The following PLCG2 variants were observed in gnomAD, a reference collection of about 807,000 sequenced individuals.
The protein encoded by PLCG2 is 1-phosphatidylinositol 4,5-bisphosphate phosphodiesterase gamma-2.
In PLCG2, 69 loss-of-function variants were observed where a neutral mutation model predicts 175.6. That is an observed-to-expected ratio of 0.39 (90% CI 0.32 to 0.48). The LOEUF is 0.48. Ranked by LOEUF, PLCG2 falls within the 20% of genes least tolerant of loss-of-function variation. PLCG2 has a pLI of 0.91. For synonymous variants in PLCG2, 827 were observed against 624.0 expected, an observed-to-expected ratio of 1.33 and a Z score of -4.85; for missense variants, 1,798 against 1,650.9, an observed-to-expected ratio of 1.09 and a Z score of -1.54.
At chr16:81,890,387 T>C (rs934516882) in intron 10 of PLCG2, among the ~76,000 whole-genome samples, 1 of 152,224 alleles carries the variant, frequency 6.6e-6, no homozygotes, top group Non-Finnish European at 1.5e-5. Flanking sequence ...TTAAGGGCAG[T>C]TTGGAGGTTA....
chr16:81,919,494 A>G lies in PLCG2; in HGVS notation c.2065A>G (p.Lys689Glu). ...TTCTTCCTGCTCCAGGGCTAGGGGC[A>G]AGGTAAAGCATTGTCGCATCAACCG... ...SYAITFRARG[K>E]VKHCRINRDG... The change falls in exon 20 of 33, where the codon AAG (lysine) becomes GAG (glutamate). Residue 689 changes from lysine (K) to glutamate (E), a missense_variant. By Grantham distance (56) the Lys-to-Glu change is moderately conservative (BLOSUM62 1). Coordinates refer to ENST00000564138, the MANE Select transcript of PLCG2 (RefSeq NM_002661.5). 3 of 1,613,782 alleles carry G rather than the reference A, an allele frequency of 1.9e-6. No individual in the cohort carries two copies. Among genetic ancestry groups the G allele is most frequent in the Non-Finnish European group, 2.5e-6 (3 of 1,179,828 alleles).
At chr16:81,952,187 A>G (rs1036771536) in intron 31 of PLCG2, among the ~76,000 whole-genome samples, 2 of 152,128 alleles carry the variant, frequency 1.3e-5, no homozygotes, top group African/African-American at 4.8e-5. Context: ...ACAAGTAGAA[A>G]TTTATACCAA....
At chr16:81,924,608 A>T (rs1479416666) in intron 22 of PLCG2, among the ~76,000 whole-genome samples, 1 of 152,234 alleles carries the variant, frequency 6.6e-6, no homozygotes, top group Non-Finnish European at 1.5e-5. Context: ...TTCATCTGCT[A>T]AGTCCTTCCC....
At chr16:81,896,399 CACACACACACACACACACACACACACAA>C (rs1269090749) in intron 13 of PLCG2, among the ~76,000 whole-genome samples, 4 of 144,164 alleles carry the variant, frequency 2.8e-5, no homozygotes, top group South Asian at 4.3e-4. Context: ...CACACACACA[CACACACACACACACACACACACACACAA>C]ATCATCTGGG....
chr16:81,800,620 G>A (rs976531872), intron 2 of PLCG2, among the ~76,000 whole-genome samples: 3 of 151,964 alleles, frequency 2.0e-5, no homozygotes, highest in African/African-American at 7.3e-5. Context: ...TATTGTTGAT[G>A]GGCATTTGGG....
At chr16:81,804,946 G>T (rs1015581026) in intron 2 of PLCG2, among the ~76,000 whole-genome samples, 1 of 152,092 alleles carries the variant, frequency 6.6e-6, no homozygotes, top group African/African-American at 2.4e-5. Flanking sequence ...CATGTGTATG[G>T]GTATTTATTT....
At chr16:81,901,056 G>A (rs367922513) in intron 14 of PLCG2, among the ~76,000 whole-genome samples, 11 of 152,366 alleles carry the variant, frequency 7.2e-5, no homozygotes, top group South Asian at 4.1e-4. Context: ...TGCAGAATGC[G>A]TGCAACTGCG....
chr16:81,831,404 A>G (rs1482037429), intron 2 of PLCG2, among the ~76,000 whole-genome samples: 1 of 152,194 alleles, frequency 6.6e-6, no homozygotes, highest in Non-Finnish European at 1.5e-5. Context: ...ACATTTAAAC[A>G]CAGGCTGTGT....
Position 81,910,503 on chromosome 16 carries a change from G to T in PLCG2, c.1734-17G>T. The T allele has an allele frequency of 6.2e-7, 1 of 1,612,510 alleles. No homozygotes were observed. The highest frequency in any genetic ancestry group is 8.5e-7 in the Non-Finnish European group (1 of 1,179,400). The stretch of plus-strand genomic sequence containing the variant: ...GGCCTGCGTTCTCCCAGCACTGATG[G>T]CGTCCTCTCCCCGCAGGCGGTCAGG... On this transcript the variant is annotated splice_polypyrimidine_tract_variant and intron_variant, in intron 17 of 32. Coordinates refer to ENST00000564138, the MANE Select transcript of PLCG2 (RefSeq NM_002661.5).
rs556002209 is a variant in PLCG2, at chr16:81,899,778, A to G, written c.1194-834A>G. ...TCAGATACGCTTGGTTCAGGCACGA[A>G]TTACAGTGATGCTGGCTGTGAGCCC... On this transcript the variant is annotated intron_variant, in intron 13 of 32. Coordinates refer to ENST00000564138, the MANE Select transcript of PLCG2 (RefSeq NM_002661.5). 2.0e-5 allele frequency among the ~76,000 whole-genome samples: 3 copies of G among 152,334 alleles called. No homozygotes were observed. The East Asian group carries it at 5.8e-4, about 29-fold the overall frequency.
At chr16:81,783,832 GT>G (rs34044546) in intron 1 of PLCG2, among the ~76,000 whole-genome samples, 49,572 of 151,430 alleles carry the variant, frequency 0.33, 8,603 homozygotes, top group East Asian at 0.5. Flanking sequence ...TCTCAGCAGG[GT>G]TTTTTTTTAG....
At chr16:81,871,393 C>T (rs544487680) in intron 7 of PLCG2, among the ~76,000 whole-genome samples, 1 of 152,294 alleles carries the variant, frequency 6.6e-6, no homozygotes, top group East Asian at 1.9e-4. Flanking sequence ...GGCTGGAGTG[C>T]AGTGGTGTGA....
chr16:81,752,523 C>G (rs1004618878), intron 1 of PLCG2, among the ~76,000 whole-genome samples: 6 of 152,180 alleles, frequency 3.9e-5, no homozygotes, highest in Non-Finnish European at 7.4e-5. Context: ...CGGAGTGGCT[C>G]AGCCCCTCGG....
rs542964801 is a variant in PLCG2, at chr16:81,948,926, G to C, written c.3570+2663G>C. 2.6e-5 allele frequency among the ~76,000 whole-genome samples: 4 copies of C among 152,330 alleles called. No homozygotes were observed. The East Asian group carries it at 7.7e-4, about 29-fold the overall frequency. ...TGAAACTGAGCCAGTGGAAACCTCA[G>C]ATGATGAGAACTGTAACACATAACT... On this transcript the variant is annotated intron_variant, in intron 31 of 32. Coordinates refer to ENST00000564138, the MANE Select transcript of PLCG2 (RefSeq NM_002661.5).
chr16:81,955,938 C>T (rs774130108), intron 31 of PLCG2, among the ~76,000 whole-genome samples: 5 of 152,194 alleles, frequency 3.3e-5, no homozygotes, highest in South Asian at 4.1e-4. Flanking sequence ...TATAATCACT[C>T]ATTTAAAGTG....
At chr16:81,938,065 A>G (rs928179053) in intron 28 of PLCG2, among the ~76,000 whole-genome samples, 162 bp downstream of exon 28, 7 of 152,052 alleles carry the variant, frequency 4.6e-5, no homozygotes, top group Non-Finnish European at 8.8e-5. Context: ...TTCTTACAGT[A>G]CACTCCGGGG....
At chr16:81,883,219 C>T (rs765800968) in intron 8 of PLCG2, 50 bp from the exon 9 acceptor site, 14 of 1,546,102 alleles carry the variant, frequency 9.1e-6, no homozygotes, top group Admixed American at 1.7e-5. Flanking sequence ...CTCTCGACTC[C>T]TCTGTTGAAT....
intron 5 of PLCG2, among the ~76,000 whole-genome samples, chr16:81,861,048 A>T (rs948627755): frequency 6.7e-6 from 1 of 150,184 alleles, no homozygotes; most frequent in Non-Finnish European, 1.5e-5. Flanking sequence ...AAACCAAAAA[A>T]ACCAAAACCA....
At chr16:81,873,131 T>G (rs1384162168) in intron 7 of PLCG2, among the ~76,000 whole-genome samples, 1 of 152,252 alleles carries the variant, frequency 6.6e-6, no homozygotes, top group Non-Finnish European at 1.5e-5. Flanking sequence ...GATTGCAGGC[T>G]TGGGAGTTGG....
Sources: gnomAD v4.1 joint callset for allele counts (sites outside exome capture counted in the v4.1 genomes callset) on GRCh38, gnomAD v4.1.1 for gene constraint, MANE v1.5 for transcripts, NCBI Gene and HGNC (gene_info 2026-07-23, HGNC 2026-07-21) for gene names.